TP53I11: variants seen among roughly 807,000 people sequenced by gnomAD.
TP53I11 encodes tumor protein p53 inducible protein 11.
Under a neutral mutation model 23.3 loss-of-function variants are expected in TP53I11, and 9 were observed. The ratio of observed to expected loss-of-function variants is 0.39; its 90% confidence interval spans 0.23 to 0.67. The LOEUF is 0.67. Among genes scored for constraint, TP53I11 ranks in the 30% least tolerant of loss-of-function variants. The probability of loss-of-function intolerance (pLI) is 0.48; values close to 1 mark genes in which losing one functional copy is unlikely to be tolerated. For synonymous variants in TP53I11, 100 were observed against 106.1 expected, an observed-to-expected ratio of 0.94 and a Z score of 0.35; for missense variants, 170 against 255.2, an observed-to-expected ratio of 0.67 and a Z score of 2.27.
chr11:44,942,429 TACAC>T (rs56662172), intron 1 of TP53I11, among the ~76,000 whole-genome samples: 60,900 of 145,752 alleles, frequency 0.42, 13,311 homozygotes, highest in South Asian at 0.62. Context: ...ACACACACCA[TACAC>T]ACACACACAC....
rs865834937 is a variant in TP53I11 at position 44,932,482 on chromosome 11, G to T, written c.*2402C>A. ...CTGGGGCGAGGCAGAAGCTTGACAA[G>T]AGGCTGCTGATGGCTGGAGGGAGCT... On this transcript the variant is annotated 3_prime_UTR_variant, in exon 7 of 7. Coordinates refer to ENST00000525680, the MANE Select transcript of TP53I11 (RefSeq NM_006034.5). 1.3e-5 allele frequency: 2 copies of T among 152,310 alleles called. No individual in the cohort carries two copies. Among genetic ancestry groups the T allele is most frequent in the Admixed American group, 1.3e-4 (2 of 15,264 alleles). The allele number at this position is 152,310 out of a possible 1,614,324, so 9.4% of individuals were successfully genotyped here. A position where few individuals can be genotyped will look rare whatever the true frequency, so the allele number is the denominator to read the frequency against.
In TP53I11 at chr11:44,933,978, C is replaced by A. The variant is rs1860817268; in HGVS notation, c.*906G>T. 1.3e-5 allele frequency: 2 copies of A among 152,544 alleles called. No homozygotes were observed. The allele number at this position is 152,544 out of a possible 1,614,324, so 9.4% of individuals were successfully genotyped here. On this transcript the variant is annotated 3_prime_UTR_variant, in exon 7 of 7. Transcript: ENST00000525680. ...CCAGCCCCACCACTTACAATGGTCT[C>A]CATTGGGGGCTGTGTGTCCCTTTGT... is the stretch of plus-strand genomic sequence containing the variant.
At position 44,934,889 on chromosome 11, in the gene TP53I11, C is replaced by T. The variant is rs770578778; in HGVS notation, c.565G>A (p.Ala189Thr). 3.7e-6 allele frequency: 6 copies of T among 1,614,058 alleles called. No homozygotes were observed. Among genetic ancestry groups the T allele is most frequent in the Admixed American group, 1.7e-5 (1 of 60,022 alleles). ...YYQVGRRPKK[A>T] Reference sequence around the variant, plus strand: ...GCCCCAGGCCCAGCGGGCAACTAGGCCTTCTTGGGTCTTCGGCCGACTTGG... The same window carrying T: ...GCCCCAGGCCCAGCGGGCAACTAGGTCTTCTTGGGTCTTCGGCCGACTTGG... The change falls in exon 7 of 7, where the codon GCC becomes ACC. Residue 189 changes from alanine to threonine, a missense_variant. By Grantham distance (58) the Ala-to-Thr change is moderately conservative (BLOSUM62 0). Transcript: ENST00000525680.
Position 44,936,746 on chromosome 11 carries a change from C to T in TP53I11, c.334+57G>A. On this transcript the variant is annotated intron_variant, in intron 5 of 6. Coordinates refer to ENST00000525680, the MANE Select transcript of TP53I11 (RefSeq NM_006034.5). This position sits in a 1 kb window ranked among gnomAD's most constrained non-coding sequence, Gnocchi z 4.4. ...CGGACCCCCGTGCTCTCCTCAGCCC[C>T]GCTGGGTCTCCCAGCTGCCCGTCGC... is the stretch of plus-strand genomic sequence containing the variant. 6 of 1,459,754 alleles carry T rather than the reference C, an allele frequency of 4.1e-6. No homozygotes were observed. In the South Asian group the frequency reaches 4.2e-5, roughly 10 times the overall value. 90.4% of individuals were successfully genotyped at this position (1,459,754 alleles called of 1,614,324 possible).
chr11:44,935,727 G>A (rs1011988467), intron 5 of TP53I11, 65 bp from the exon 6 acceptor site: 9 of 1,192,690 alleles, frequency 7.5e-6, no homozygotes, highest in East Asian at 5.0e-5. Context: ...CAGGGCAGGA[G>A]GACTGCTCCT....
rs149623240 is a variant in TP53I11, at chr11:44,935,016, C to T, written c.438G>A (p.Val146=). The stretch of plus-strand genomic sequence containing the variant: ...CCGTCTCAGCTAGCGTGGCAGTGAC[C>T]ACTGTGGGAGAGAGTCCAGCAAGGC... ...EACYFGVQFL[V]VTATLAETGL... Residue 146 remains valine, a splice_region_variant and synonymous_variant, in exon 7 of 7, where the codon GTG becomes GTA. Transcript: ENST00000525680. The T allele has an allele frequency of 1.3e-4, 214 of 1,613,540 alleles. 2 individuals carry two copies. In the African/African-American group the frequency reaches 2.6e-3, roughly 19 times the overall value.
intron 2 of TP53I11, 77 bp downstream of exon 2, chr11:44,938,129 TG>T: frequency 1.3e-6 from 2 of 1,489,342 alleles, no homozygotes; most frequent in Non-Finnish European, 1.8e-6. Flanking sequence ...TACCTGGGCC[TG>T]GGCTAACCTT....
In TP53I11 at chr11:44,936,495, C is replaced by A; in HGVS notation, c.334+308G>T. On this transcript the variant is annotated intron_variant, in intron 5 of 6. Transcript: ENST00000525680. The surrounding 1 kb of genome is among the most constrained non-coding windows in gnomAD (Gnocchi z 4.4). ...CTGCCTCTCCTCTAGGCTGTGAATTCCTAGAGGCTGGGCCTGGGCTTCCTC... is the reference window on the plus strand; with the variant it reads ...CTGCCTCTCCTCTAGGCTGTGAATTACTAGAGGCTGGGCCTGGGCTTCCTC... 1 of 1,240,998 alleles carries A rather than the reference C, an allele frequency of 8.1e-7. No homozygotes were observed. The highest frequency in any genetic ancestry group is 3.8e-5 in the South Asian group (1 of 26,128). 76.9% of individuals were successfully genotyped at this position (1,240,998 alleles called of 1,614,324 possible).
intron 1 of TP53I11, among the ~76,000 whole-genome samples, chr11:44,939,938 C>G (rs1452368272): frequency 6.6e-6 from 1 of 152,226 alleles, no homozygotes; most frequent in East Asian, 1.9e-4. Flanking sequence ...ACCCGGCACA[C>G]AAGAGACTCC....
chr11:44,940,863 T>G (rs1398095349), intron 1 of TP53I11: 4 of 152,260 alleles, frequency 2.6e-5, no homozygotes, highest in African/African-American at 9.7e-5. Flanking sequence ...TCCCTGGCAA[T>G]GCAGTAGTGT....
rs186330480 is a variant in TP53I11, at chr11:44,948,906, A to G, written c.-32+1771T>C. On this transcript the variant is annotated intron_variant, in intron 1 of 6. Coordinates refer to ENST00000525680, the MANE Select transcript of TP53I11 (RefSeq NM_006034.5). ...GAGAAGCCACAAGGGGCCTGGAGGC[A>G]GAGCTGTGCAGAAAATAGGTCGCAG... 3.7e-3 allele frequency among the ~76,000 whole-genome samples: 564 copies of G among 152,370 alleles called. 7 individuals are homozygous for G. The highest frequency in any genetic ancestry group is 2.8e-3 in the Non-Finnish European group (188 of 68,040).
intron 1 of TP53I11, chr11:44,938,998 C>T (rs1013913534): frequency 7.2e-5 from 11 of 152,562 alleles, no homozygotes; most frequent in African/African-American, 1.9e-4. Flanking sequence ...GCCTTGCCCT[C>T]CCGGCCATCA....
chr11:44,942,223 A>ACACACACACACCCAC (rs1861902967), intron 1 of TP53I11, among the ~76,000 whole-genome samples: 1 of 141,018 alleles, frequency 7.1e-6, no homozygotes, highest in Non-Finnish European at 1.5e-5. Context: ...CACACCCACC[A>ACACACACACACCCAC]CACACCTACC....
At chr11:44,946,101 G>A (rs192690147) in intron 1 of TP53I11, among the ~76,000 whole-genome samples, 6 of 152,320 alleles carry the variant, frequency 3.9e-5, no homozygotes, top group South Asian at 4.1e-4. Flanking sequence ...TCCTTCCACC[G>A]TAAATGGGGC....
chr11:44,943,428 G>A (rs1001007580), intron 1 of TP53I11, among the ~76,000 whole-genome samples: 1 of 152,184 alleles, frequency 6.6e-6, no homozygotes, highest in African/African-American at 2.4e-5. Flanking sequence ...TCACCTGTCT[G>A]GCAAGAAGGG....
chr11:44,938,313 G>A lies in TP53I11; in HGVS notation c.23C>T (p.Pro8Leu), dbSNP rs1861392576. 6.2e-7 allele frequency: 1 copy of A among 1,607,444 alleles called. No individual in the cohort carries two copies. The highest frequency in any genetic ancestry group is 1.1e-5 in the South Asian group (1 of 90,148). MAAKQPP[P>L]LMKKHSQTDL... ...CGTCTGGCTGTGCTTCTTCATCAGA[G>A]GCGGGGGCTGCTTGGCCGCCATCTT... Residue 8 changes from proline (P) to leucine (L), a missense_variant, in exon 2 of 7, where the codon CCT (proline) becomes CTT (leucine). By Grantham distance (98) the Pro-to-Leu change is moderately conservative. Coordinates refer to ENST00000525680, the MANE Select transcript of TP53I11 (RefSeq NM_006034.5).
chr11:44,938,350 C>T lies in TP53I11; in HGVS notation c.-15G>A, dbSNP rs377731872. 55 of 1,584,540 alleles carry T rather than the reference C, an allele frequency of 3.5e-5. No individual in the cohort carries two copies. Among genetic ancestry groups the T allele is most frequent in the Middle Eastern group, 3.3e-4 (2 of 5,980 alleles). ...TTGGCCGCCATCTTCTCCTCCAGCCCGGCCTCTGCAGAAGGGCTGAGGGGA... is the reference window on the plus strand; with the variant it reads ...TTGGCCGCCATCTTCTCCTCCAGCCTGGCCTCTGCAGAAGGGCTGAGGGGA... On this transcript the variant is annotated 5_prime_UTR_variant, in exon 2 of 7. Transcript: ENST00000525680.
intron 1 of TP53I11, among the ~76,000 whole-genome samples, chr11:44,947,831 C>T (rs1039811147): frequency 3.5e-5 from 5 of 142,886 alleles, no homozygotes; most frequent in African/African-American, 1.2e-4. Flanking sequence ...AACCTCTCAC[C>T]AGTGAGAAGA....
At position 44,938,229 on chromosome 11, in the gene TP53I11, T is replaced by C; in HGVS notation, c.107A>G (p.Asp36Gly). ...KILGVGGEDD[D>G]GEVHRSKISQ... The stretch of plus-strand genomic sequence containing the variant: ...CACCTTGGAGCGATGCACCTCCCCG[T>C]CGTCATCCTCCCCGCCCACGCCGAG... Residue 36 changes from aspartate (D) to glycine (G), a missense_variant, in exon 2 of 7, where the codon GAC (aspartate) becomes GGC (glycine). Physicochemically the swap from Asp to Gly is moderately conservative, Grantham distance 94 (BLOSUM62 -1). Coordinates refer to ENST00000525680, the MANE Select transcript of TP53I11 (RefSeq NM_006034.5). 2 of 1,613,186 alleles carry C rather than the reference T, an allele frequency of 1.2e-6. No homozygotes were observed. The highest frequency in any genetic ancestry group is 1.7e-6 in the Non-Finnish European group (2 of 1,179,744).
Sources: gnomAD v4.1 joint callset for allele counts (sites outside exome capture counted in the v4.1 genomes callset) on GRCh38, gnomAD v4.1.1 for gene constraint, Gnocchi (gnomAD v3.1) non-coding constraint, MANE v1.5 for transcripts, NCBI Gene and HGNC (gene_info 2026-07-23, HGNC 2026-07-21) for gene names.